Variants in PLEKHG1 observed in about 807,000 individuals in gnomAD.
The protein encoded by PLEKHG1 is pleckstrin homology domain-containing family G member 1.
Under a neutral mutation model 100.8 loss-of-function variants are expected in PLEKHG1, and 44 were observed. The ratio of observed to expected loss-of-function variants is 0.44; its 90% CI spans 0.34 to 0.56. The LOEUF (loss-of-function observed/expected upper bound fraction) is 0.56. PLEKHG1 is among the 20% of genes least tolerant of loss of function. The probability of loss-of-function intolerance (pLI) is 0.01; values close to 1 mark genes in which losing one functional copy is unlikely to be tolerated. For synonymous variants in PLEKHG1, 640 were observed against 662.5 expected, an observed-to-expected ratio of 0.97 and a Z score of 0.52; for missense variants, 1,545 against 1,720.9, an observed-to-expected ratio of 0.90 and a Z score of 1.81.
chr6:150,828,882 A>G lies in PLEKHG1; in HGVS notation c.1471-1700A>G, dbSNP rs529394485. 4.6e-5 allele frequency among the ~76,000 whole-genome samples: 7 copies of G among 152,352 alleles called. No individual in the cohort carries two copies. In the South Asian group the frequency reaches 1.0e-3, roughly 23 times the overall value. On this transcript the variant is annotated intron_variant, in intron 14 of 15. Coordinates refer to ENST00000358517, the Ensembl canonical transcript of PLEKHG1. Reference sequence around the variant, plus strand: ...GTCTGAGTAAGGTGAAGAGAAAGATATATTAAAGAATGTGAAAAACATATA... The same window carrying G: ...GTCTGAGTAAGGTGAAGAGAAAGATGTATTAAAGAATGTGAAAAACATATA...
At chr6:150,729,730 C>T (rs1304375391) in intron 1 of PLEKHG1, among the ~76,000 whole-genome samples, 1 of 152,134 alleles carries the variant, frequency 6.6e-6, no homozygotes, top group African/African-American at 2.4e-5. Flanking sequence ...ATGCTACGGA[C>T]ACCAAACTTC....
chr6:150,702,444 A>G (rs1244875806), intron 3 of PLEKHG1, among the ~76,000 whole-genome samples: 1 of 151,024 alleles, frequency 6.6e-6, no homozygotes, highest in Non-Finnish European at 1.5e-5. Flanking sequence ...CACTCCAGCC[A>G]GGGTGACAGA....
At chr6:150,795,740 C>T in intron 4 of PLEKHG1, 116 bp from the exon 6 acceptor site, 2 of 411,404 alleles carry the variant, frequency 4.9e-6, no homozygotes, top group Non-Finnish European at 8.5e-6. Context: ...AAACAAAAAA[C>T]ATATATATAT....
At chr6:150,644,955 A>G (rs1461853047) in intron 2 of PLEKHG1, among the ~76,000 whole-genome samples, 1 of 152,100 alleles carries the variant, frequency 6.6e-6, no homozygotes, top group African/African-American at 2.4e-5. Flanking sequence ...TGTAACCCCA[A>G]TCAAATTCAA....
At chr6:150,673,854 AGCTTTT>A in intron 3 of PLEKHG1, among the ~76,000 whole-genome samples, 1 of 151,956 alleles carries the variant, frequency 6.6e-6, no homozygotes, top group Non-Finnish European at 1.5e-5. Flanking sequence ...TGTAGAGATG[AGCTTTT>A]GCTATGTTGC....
chr6:150,747,830 G>T lies in PLEKHG1; in HGVS notation c.411+13738G>T, dbSNP rs374169300. Among the ~76,000 whole-genome samples the T allele has an allele frequency of 3.9e-5, 6 of 151,970 alleles. No homozygotes were observed. The South Asian group carries it at 1.3e-3, about 32-fold the overall frequency. ...AGAATCGCTTGAACTCAGGAGGTGG[G>T]GGTTGCAGTGAGCCAAGATCGCACC... is the stretch of plus-strand genomic sequence containing the variant. On this transcript the variant is annotated intron_variant, in intron 2 of 15. Coordinates refer to ENST00000358517, the Ensembl canonical transcript of PLEKHG1.
rs1241563817 is a variant in PLEKHG1 at position 150,685,864 on chromosome 6, A to G, written c.-99+35078A>G. Among the ~76,000 whole-genome samples the G allele has an allele frequency of 2.0e-5, 3 of 152,224 alleles. No homozygotes were observed. The East Asian group carries it at 5.8e-4, about 29-fold the overall frequency. On this transcript the variant is annotated intron_variant, in intron 3 of 3. Transcript: ENST00000367326. ...AGGGAAGGGGGGAAAAAAGAGTGAAATCAGGCATGGATCATTCCATCTGTG... is the reference window on the plus strand; with the variant it reads ...AGGGAAGGGGGGAAAAAAGAGTGAAGTCAGGCATGGATCATTCCATCTGTG...
intron 3 of PLEKHG1, among the ~76,000 whole-genome samples, chr6:150,769,932 T>G (rs1030463949): frequency 5.3e-5 from 8 of 152,198 alleles, no homozygotes; most frequent in African/African-American, 1.9e-4. Context: ...ACAAAACATT[T>G]GCTCCACAAG....
intron 3 of PLEKHG1, among the ~76,000 whole-genome samples, chr6:150,679,943 G>T (rs947751357): frequency 2.0e-5 from 3 of 152,198 alleles, no homozygotes; most frequent in African/African-American, 7.2e-5. Flanking sequence ...GAGGGACTTA[G>T]AGATGAGTGG....
chr6:150,664,286 A>G (rs1282908848), intron 3 of PLEKHG1: 1 of 152,194 alleles, frequency 6.6e-6, no homozygotes, highest in East Asian at 1.9e-4. Flanking sequence ...CACTTACATC[A>G]TGAAGGGCAG....
rs1200251195 is a variant in PLEKHG1 at position 150,650,003 on chromosome 6, C to G, written c.-157-725C>G. Among the ~76,000 whole-genome samples, 9 of 149,292 alleles carry G rather than the reference C, an allele frequency of 6.0e-5. No homozygotes were observed. In the Admixed American group the frequency reaches 6.0e-4, roughly 10 times the overall value. On this transcript the variant is annotated intron_variant, in intron 2 of 3. Coordinates refer to the PLEKHG1 transcript ENST00000367326. Reference sequence around the variant, plus strand: ...CTCCAGCCTGGGCGACAGAGCGGGACTCCGTCTCAAAAAAATAAATAAATA... The same window carrying G: ...CTCCAGCCTGGGCGACAGAGCGGGAGTCCGTCTCAAAAAAATAAATAAATA...
intron 4 of PLEKHG1, among the ~76,000 whole-genome samples, chr6:150,793,716 G>A (rs1786132522): frequency 1.3e-5 from 2 of 152,102 alleles, no homozygotes; most frequent in Non-Finnish European, 2.9e-5. Flanking sequence ...CTAGTGTATT[G>A]TGCCAAATTA....
Position 150,764,758 on chromosome 6 carries a change from T to G in PLEKHG1, c.412-3880T>G, listed in dbSNP as rs117243737. The stretch of plus-strand genomic sequence containing the variant: ...TGTGTTGAAACTCCATCCTTCAAGA[T>G]TCAGCTCCACCCTCACCTTCCCTGT... On this transcript the variant is annotated intron_variant, in intron 2 of 15. Coordinates refer to ENST00000358517, the Ensembl canonical transcript of PLEKHG1. Among the ~76,000 whole-genome samples, 43 of 152,274 alleles carry G rather than the reference T, an allele frequency of 2.8e-4. No individual in the cohort carries two copies. The East Asian group carries it at 7.9e-3, about 28-fold the overall frequency.
At chr6:150,650,542 T>G (rs1778688315) in intron 2 of PLEKHG1, among the ~76,000 whole-genome samples, 186 bp from the exon 2 acceptor site, 1 of 152,252 alleles carries the variant, frequency 6.6e-6, no homozygotes, top group South Asian at 2.1e-4. Context: ...TGATTACTGC[T>G]ATAGGCCTAT....
At chr6:150,604,530 CTGG>C (rs1776502850) in intron 1 of PLEKHG1, among the ~76,000 whole-genome samples, 1 of 152,222 alleles carries the variant, frequency 6.6e-6, no homozygotes, top group East Asian at 1.9e-4. Context: ...CTATAGTTTG[CTGG>C]CTCTGTTTTA....
In PLEKHG1 at chr6:150,730,300, A is replaced by G. The variant is rs568420174; in HGVS notation, c.-98-3284A>G. ...CCAGGGACTGGTTTCATGGTAGACA[A>G]TTTTTCAAAGGATGAAGGGTGGGTT... On this transcript the variant is annotated intron_variant, in intron 1 of 15. Transcript: ENST00000358517. 5.0e-3 allele frequency among the ~76,000 whole-genome samples: 451 copies of G among 90,304 alleles called. 12 individuals carry two copies. In the Admixed American group the frequency reaches 0.065, roughly 13 times the overall value. The allele number at this position is 90,304 out of a possible 152,430, so 59.2% of individuals were successfully genotyped here.
intron 2 of PLEKHG1, among the ~76,000 whole-genome samples, chr6:150,645,974 T>C (rs1778476675): frequency 6.6e-6 from 1 of 152,218 alleles, no homozygotes; most frequent in Admixed American, 6.5e-5. Context: ...TGGATACATA[T>C]AGTCTACAGG....
chr6:150,766,771 T>C (rs1053043772), intron 2 of PLEKHG1, among the ~76,000 whole-genome samples: 1 of 152,208 alleles, frequency 6.6e-6, no homozygotes, highest in African/African-American at 2.4e-5. Flanking sequence ...ACTCAACCTT[T>C]CTCTCACATG....
chr6:150,753,202 C>A (rs907321286), intron 2 of PLEKHG1, among the ~76,000 whole-genome samples: 2 of 152,104 alleles, frequency 1.3e-5, no homozygotes, highest in Non-Finnish European at 2.9e-5. Flanking sequence ...CCCCCACCCC[C>A]GTAAAGTAGA....
Sources: gnomAD v4.1 joint callset for allele counts (sites outside exome capture counted in the v4.1 genomes callset) on GRCh38, gnomAD v4.1.1 for gene constraint, MANE v1.5 for transcripts, NCBI Gene and HGNC (gene_info 2026-07-23, HGNC 2026-07-21) for gene names.